ACSBG1: variants seen among roughly 807,000 people sequenced by gnomAD.
ACSBG1 encodes acyl-CoA synthetase bubblegum family member 1.
In ACSBG1, 39 loss-of-function variants were observed where a neutral mutation model predicts 80.2. The observed-to-expected ratio is 0.49, with a 90% CI of 0.38 to 0.64. The LOEUF (loss-of-function observed/expected upper bound fraction) is 0.64, where lower values mean the gene tolerates loss of function less well. Among genes scored for constraint, ACSBG1 ranks in the 30% least tolerant of loss-of-function variants. The pLI, the probability that ACSBG1 is intolerant of heterozygous loss-of-function variation, is 0.00. For synonymous variants in ACSBG1, 392 were observed against 379.5 expected (o/e 1.03, Z -0.38); for missense variants, 828 against 966.4 (o/e 0.86, Z 1.90).
At chr15:78,229,968 C>T (rs185749322) in intron 1 of ACSBG1, among the ~76,000 whole-genome samples, 10 of 152,312 alleles carry the variant, frequency 6.6e-5, no homozygotes, top group East Asian at 5.8e-4. Flanking sequence ...GTCAGCACAG[C>T]GCCCTGCTTG....
rs1314711368 is a variant in ACSBG1, at chr15:78,217,799, T to C, written c.132-9697A>G. On this transcript the variant is annotated intron_variant, in intron 1 of 13. Transcript: ENST00000258873. The stretch of plus-strand genomic sequence containing the variant: ...TCAGGCTGGTCTCGTACTCCTGACC[T>C]CGTGATCCGCCTGCCTCGGCCTCCC... Among the ~76,000 whole-genome samples, 4 of 152,082 alleles carry C rather than the reference T, an allele frequency of 2.6e-5. No individual in the cohort carries two copies. In the East Asian group the frequency reaches 7.7e-4, roughly 29 times the overall value.
intron 1 of ACSBG1, among the ~76,000 whole-genome samples, chr15:78,221,937 A>C (rs969588652): frequency 1.3e-5 from 2 of 152,166 alleles, no homozygotes; most frequent in Non-Finnish European, 2.9e-5. Context: ...CAGCATCTCA[A>C]AGCAGAAACA....
chr15:78,225,986 C>T (rs2075397297), intron 1 of ACSBG1, among the ~76,000 whole-genome samples: 1 of 152,164 alleles, frequency 6.6e-6, no homozygotes, highest in African/African-American at 2.4e-5. Context: ...TTGTCAATTC[C>T]TCCCTGAATG....
intron 6 of ACSBG1, 30 bp downstream of exon 6, chr15:78,182,675 A>C: frequency 6.2e-7 from 1 of 1,613,966 alleles, no homozygotes; most frequent in Non-Finnish European, 8.5e-7. Flanking sequence ...AATAGGCCCC[A>C]CCTGGCGCCC....
chr15:78,180,278 ACTT>A (rs1182527945), intron 9 of ACSBG1, among the ~76,000 whole-genome samples: 4 of 152,210 alleles, frequency 2.6e-5, no homozygotes, highest in South Asian at 2.1e-4. Context: ...AATGGAAACT[ACTT>A]CTAAATTGAA....
At chr15:78,182,290 C>T in intron 7 of ACSBG1, 145 bp from the exon 8 acceptor site, 1 of 1,319,528 alleles carries the variant, frequency 7.6e-7, no homozygotes, top group Non-Finnish European at 1.0e-6. Context: ...ACAGGCCTCC[C>T]CTCCCCCTTG....
chr15:78,194,872 A>ACTGGGGTAGG (rs1176044158), intron 2 of ACSBG1, 146 bp from the exon 3 acceptor site: 1 of 752,408 alleles, frequency 1.3e-6, no homozygotes, highest in Non-Finnish European at 2.1e-6. Flanking sequence ...ACTGGGGTAG[A>ACTGGGGTAGG]CTGGGGTAGG....
At chr15:78,196,802 T>C (rs752216678) in intron 2 of ACSBG1, among the ~76,000 whole-genome samples, 9 of 152,020 alleles carry the variant, frequency 5.9e-5, no homozygotes, top group Non-Finnish European at 1.3e-4. Flanking sequence ...CCTGGTGCAG[T>C]GGCTCGCACC....
chr15:78,186,265 C>G (rs1469194067), intron 5 of ACSBG1, among the ~76,000 whole-genome samples: 1 of 152,114 alleles, frequency 6.6e-6, no homozygotes, highest in African/African-American at 2.4e-5. Context: ...ATTAGATCAA[C>G]GAGACAGAAA....
In ACSBG1 at chr15:78,168,708, G is replaced by T; in HGVS notation, c.*2736C>A. Reference sequence around the variant, plus strand: ...TTGCATCAAGAGCACCTTATTCTTTGCAGAGTGCTGTTGTATACACTATGA... The same window carrying T: ...TTGCATCAAGAGCACCTTATTCTTTTCAGAGTGCTGTTGTATACACTATGA... On this transcript the variant is annotated 3_prime_UTR_variant, in exon 14 of 14. Transcript: ENST00000258873. The T allele has an allele frequency of 2.7e-6, 1 of 376,484 alleles. No homozygotes were observed. 23.3% of individuals were successfully genotyped at this position (376,484 alleles called of 1,614,324 possible).
rs116775280 is a variant in ACSBG1 at position 78,181,934 on chromosome 15, G to A, written c.1071+35C>T. ...CACATGTGGACGTGGCCTGGCACAC[G>A]GGCTCAGACGGACACACGGTAAAGG... On this transcript the variant is annotated intron_variant, in intron 8 of 13. Transcript: ENST00000258873. The A allele has an allele frequency of 7.0e-4, 1,114 of 1,598,992 alleles. 2 individuals carry two copies. The African/African-American group carries it at 0.011, about 15-fold the overall frequency.
At chr15:78,186,066 G>C (rs28781283) in intron 5 of ACSBG1, among the ~76,000 whole-genome samples, 1 of 152,024 alleles carries the variant, frequency 6.6e-6, no homozygotes, top group African/African-American at 2.4e-5. Context: ...TATGAATCTG[G>C]GTGCTCCTGT....
At chr15:78,207,922 C>T in intron 2 of ACSBG1, 80 bp downstream of exon 2, 2 of 852,742 alleles carry the variant, frequency 2.3e-6, no homozygotes, top group Non-Finnish European at 1.9e-6. Context: ...GGTGGTCCCC[C>T]ACACCACCCA....
chr15:78,215,787 A>AAAGAAAGAAAGAAAGG (rs1567096485), intron 1 of ACSBG1, among the ~76,000 whole-genome samples: 1 of 127,818 alleles, frequency 7.8e-6, no homozygotes, highest in African/African-American at 3.2e-5. Context: ...AGAAAGAAAG[A>AAAGAAAGAAAGAAAGG]GAAAGAAAGA....
In ACSBG1 at chr15:78,194,565, G is replaced by A. The variant is rs1303229253; in HGVS notation, c.394C>T (p.His132Tyr). 3.7e-6 allele frequency: 6 copies of A among 1,614,126 alleles called. No individual in the cohort carries two copies. Among genetic ancestry groups the A allele is most frequent in the Non-Finnish European group, 5.1e-6 (6 of 1,180,054 alleles). Residue 132 changes from histidine (H) to tyrosine (Y), a missense_variant, in exon 3 of 14, where the codon CAC becomes TAC. Physicochemically the swap from His to Tyr is moderately conservative, Grantham distance 83. This residue lies in a region of ACSBG1 where 356 missense variants were observed against 363.5 expected (regional missense o/e 0.98). Transcript: ENST00000258873. ...AGGTAGTATTGGGAGTAGGAGATGT[G>A]TTCCCACTTGTCCTGGCGCTTGAAG... The part of the protein sequence containing the change: ...LGFKRQDKWE[H>Y]ISYSQYYLLA...
chr15:78,172,781 C>T lies in ACSBG1; in HGVS notation c.2089+812G>A, dbSNP rs2074838952. Among the ~76,000 whole-genome samples the T allele has an allele frequency of 6.6e-6, 1 of 152,218 alleles. No homozygotes were observed. Among genetic ancestry groups the T allele is most frequent in the Admixed American group, 6.5e-5 (1 of 15,280 alleles). On this transcript the variant is annotated intron_variant, in intron 13 of 13. Coordinates refer to ENST00000258873, the MANE Select transcript of ACSBG1 (RefSeq NM_015162.5). The surrounding 1 kb of genome is among the most constrained non-coding windows in gnomAD (Gnocchi z 4.1). ...TCCTGTTCTATGAACATCCCATGAA[C>T]ATCTCTTGGCTACAGCCAAGAGTGA... is the stretch of plus-strand genomic sequence containing the variant.
Position 78,172,543 on chromosome 15 carries a change from T to C in ACSBG1, c.2090-1014A>G, listed in dbSNP as rs962225355. On this transcript the variant is annotated intron_variant, in intron 13 of 13. Coordinates refer to ENST00000258873, the MANE Select transcript of ACSBG1 (RefSeq NM_015162.5). This position sits in a 1 kb window ranked among gnomAD's most constrained non-coding sequence, Gnocchi z 4.1. ...AAAGTGCCTAACTCACTCTTGACTG[T>C]GTAACTGGAAACTTTCTGTGTTAAA... Among the ~76,000 whole-genome samples, 5 of 152,224 alleles carry C rather than the reference T, an allele frequency of 3.3e-5. No individual in the cohort carries two copies. Among genetic ancestry groups the C allele is most frequent in the Non-Finnish European group, 5.9e-5 (4 of 68,036 alleles).
Position 78,208,047 on chromosome 15 carries a change from G to A in ACSBG1, c.187C>T (p.Leu63Phe), listed in dbSNP as rs760953790. The A allele has an allele frequency of 6.2e-7, 1 of 1,613,962 alleles. No homozygotes were observed. Among genetic ancestry groups the A allele is most frequent in the South Asian group, 1.1e-5 (1 of 91,056 alleles). ...TTATTCACCTTCTCTGGCACTGAGAGCTCGAGAGCATGGTTCAGGGACTCT... is the reference window on the plus strand; with the variant it reads ...TTATTCACCTTCTCTGGCACTGAGAACTCGAGAGCATGGTTCAGGGACTCT... ...SKESLNHALELSVPEKVNNAQ... is the reference protein window; with the variant it reads ...SKESLNHALEFSVPEKVNNAQ... Residue 63 changes from leucine (L) to phenylalanine (F), a missense_variant, in exon 2 of 14, where the codon CTC becomes TTC. Physicochemically the swap from Leu to Phe is conservative, Grantham distance 22. Coordinates refer to ENST00000258873, the MANE Select transcript of ACSBG1 (RefSeq NM_015162.5).
chr15:78,211,008 T>G (rs1037456392), intron 1 of ACSBG1, among the ~76,000 whole-genome samples: 3 of 152,232 alleles, frequency 2.0e-5, no homozygotes, highest in African/African-American at 7.2e-5. Flanking sequence ...ACTCCTACAT[T>G]GCCATTTCTT....
Sources: gnomAD v4.1 joint callset for allele counts (sites outside exome capture counted in the v4.1 genomes callset) on GRCh38, gnomAD v4.1.1 for gene constraint, gnomAD v4.1.1 regional missense constraint, Gnocchi (gnomAD v3.1) non-coding constraint, MANE v1.5 for transcripts, NCBI Gene and HGNC (gene_info 2026-07-23, HGNC 2026-07-21) for gene names.